PCDHGA1: variants seen among roughly 807,000 people sequenced by gnomAD.
The protein encoded by PCDHGA1 is protocadherin gamma subfamily A, 1.
In PCDHGA1, 32 loss-of-function variants were observed where a neutral mutation model predicts 58.0. The ratio of observed to expected loss-of-function variants is 0.55; its 90% CI spans 0.42 to 0.74. The LOEUF is 0.74. Ranked by LOEUF, PCDHGA1 falls within the 30% of genes least tolerant of loss-of-function variation. The probability of loss-of-function intolerance (pLI) is 0.00; values close to 1 mark genes in which losing one functional copy is unlikely to be tolerated. For missense variants in PCDHGA1, 1,205 were observed against 1,182.3 expected, an observed-to-expected ratio of 1.02 and a Z score of -0.28; for synonymous variants, 498 against 501.1, an observed-to-expected ratio of 0.99 and a Z score of 0.08.
At chr5:141,463,438 C>CTTTTTT (rs71576115) in intron 1 of PCDHGA1, among the ~76,000 whole-genome samples, 4 of 103,256 alleles carry the variant, frequency 3.9e-5, no homozygotes, top group African/African-American at 1.3e-4. Context: ...TTTCCTTCTC[C>CTTTTTT]TTTTTTTTTT....
chr5:141,505,597 T>C, intron 3 of PCDHGA1, 116 bp downstream of exon 3: 1 of 1,558,330 alleles, frequency 6.4e-7, no homozygotes, highest in Non-Finnish European at 8.7e-7. Context: ...TCCAGATCTT[T>C]CGGCAGGTCT....
At chr5:141,339,676 G>C (rs1756863169) in intron 1 of PCDHGA1, 1 of 1,614,148 alleles carries the variant, frequency 6.2e-7, no homozygotes, top group Non-Finnish European at 8.5e-7. Flanking sequence ...TCCTGGATGC[G>C]AACGACAATG....
Position 141,490,192 on chromosome 5 carries a change from A to C in PCDHGA1, c.2422-4615A>C. 1 of 1,614,182 alleles carries C rather than the reference A, an allele frequency of 6.2e-7. No homozygotes were observed. Among genetic ancestry groups the C allele is most frequent in the South Asian group, 1.1e-5 (1 of 91,082 alleles). On this transcript the variant is annotated intron_variant, in intron 1 of 3. Coordinates refer to ENST00000517417, the MANE Select transcript of PCDHGA1 (RefSeq NM_018912.3). The surrounding 1 kb of genome is among the most constrained non-coding windows in gnomAD (Gnocchi z 5.4). Reference sequence around the variant, plus strand: ...CTTTGAGGAGTCACGTTTCTATGAAATTCATGCAAGAGCCCGTGACCAGGG... The same window carrying C: ...CTTTGAGGAGTCACGTTTCTATGAACTTCATGCAAGAGCCCGTGACCAGGG...
chr5:141,505,302 G>GTAC, intron 2 of PCDHGA1, 91 bp from the exon 3 acceptor site: 5 of 1,592,714 alleles, frequency 3.1e-6, no homozygotes, highest in Non-Finnish European at 4.3e-6. Context: ...TAGGGTTAGG[G>GTAC]TACTAGGTTT....
intron 1 of PCDHGA1, among the ~76,000 whole-genome samples, chr5:141,386,998 C>G (rs140459920): frequency 6.6e-6 from 1 of 152,058 alleles, no homozygotes; most frequent in African/African-American, 2.4e-5. Flanking sequence ...TGTATTATCC[C>G]CCTGATAACT....
At chr5:141,370,600 T>G in intron 1 of PCDHGA1, 1 of 1,613,984 alleles carries the variant, frequency 6.2e-7, no homozygotes, top group Non-Finnish European at 8.5e-7. Context: ...CTGCGGGTTA[T>G]TGCAGAGAAG....
Position 141,486,316 on chromosome 5 carries a change from A to G in PCDHGA1, c.2422-8491A>G, listed in dbSNP as rs1251956899. The G allele has an allele frequency of 6.2e-7, 1 of 1,614,066 alleles. No individual in the cohort carries two copies. On this transcript the variant is annotated intron_variant, in intron 1 of 3. Transcript: ENST00000517417. This position sits in a 1 kb window ranked among gnomAD's most constrained non-coding sequence, Gnocchi z 5.0. ...GTGTGCAGGATCCAGACTCAGGGTC[A>G]AACGGAGATGTGAGCCTCCGCATTC...
At position 141,489,505 on chromosome 5, in the gene PCDHGA1, A is replaced by G. The variant is rs1198371307; in HGVS notation, c.2422-5302A>G. On this transcript the variant is annotated intron_variant, in intron 1 of 3. Transcript: ENST00000517417. The surrounding 1 kb of genome is among the most constrained non-coding windows in gnomAD (Gnocchi z 4.5). ...GAGTGGTGCCCTGGCAGTGAATCAA[A>G]AGATTGACCGAGAAAGCCTATGTGG... The G allele has an allele frequency of 1.9e-6, 3 of 1,613,972 alleles. No homozygotes were observed. The Admixed American group carries it at 5.0e-5, about 27-fold the overall frequency.
intron 1 of PCDHGA1, chr5:141,421,282 A>G (rs762064258): frequency 7.4e-6 from 12 of 1,613,034 alleles, no homozygotes; most frequent in Non-Finnish European, 1.0e-5. Context: ...GCTGCTGTGC[A>G]TTTTCCTGGG....
intron 1 of PCDHGA1, chr5:141,365,276 C>T: frequency 6.2e-7 from 1 of 1,613,968 alleles, no homozygotes; most frequent in East Asian, 2.2e-5. Flanking sequence ...CAGATTCTAC[C>T]TCATGGAAGT....
chr5:141,413,358 G>C, intron 1 of PCDHGA1: 1 of 1,613,972 alleles, frequency 6.2e-7, no homozygotes, highest in Non-Finnish European at 8.5e-7. Flanking sequence ...TGGCGCCCCG[G>C]GAGCTGGCGG....
chr5:141,400,363 T>C (rs1271706599), intron 1 of PCDHGA1: 1 of 1,613,958 alleles, frequency 6.2e-7, no homozygotes, highest in Non-Finnish European at 8.5e-7. Flanking sequence ...GACTTTGCCT[T>C]ATTCCTACAA....
At chr5:141,333,268 T>G (rs1252402257) in intron 1 of PCDHGA1, 163 bp downstream of exon 1, 16 of 995,058 alleles carry the variant, frequency 1.6e-5, no homozygotes, top group Non-Finnish European at 2.2e-5. Context: ...CACGTTCATA[T>G]GCAGGTATAT....
chr5:141,409,220 G>A (rs1327857530), intron 1 of PCDHGA1: 1 of 1,613,988 alleles, frequency 6.2e-7, no homozygotes, highest in Non-Finnish European at 8.5e-7. Context: ...AATCCTTGAT[G>A]AAAACGACAA....
At chr5:141,399,519 G>T (rs1467117930) in intron 1 of PCDHGA1, 14 of 1,613,918 alleles carry the variant, frequency 8.7e-6, no homozygotes, top group Non-Finnish European at 1.2e-5. Context: ...ACCCTCCTGG[G>T]GCCTCCATCG....
chr5:141,476,229 C>A lies in PCDHGA1; in HGVS notation c.2422-18578C>A, dbSNP rs761790915. The A allele has an allele frequency of 1.9e-6, 3 of 1,613,872 alleles. No homozygotes were observed. The South Asian group carries it at 3.3e-5, about 18-fold the overall frequency. ...TCCACGGTCATTCACTATGAGATCC[C>A]GGAGGAAAGAGAGAAGGGTTTCGCT... On this transcript the variant is annotated intron_variant, in intron 1 of 3. Transcript: ENST00000517417. This position sits in a 1 kb window ranked among gnomAD's most constrained non-coding sequence, Gnocchi z 7.6.
At chr5:141,419,034 T>C in intron 1 of PCDHGA1, 1 of 1,613,902 alleles carries the variant, frequency 6.2e-7, no homozygotes, top group Non-Finnish European at 8.5e-7. Flanking sequence ...GGTGTTCCAT[T>C]TAAGATTCAT....
chr5:141,470,707 TA>T (rs1207543665), intron 1 of PCDHGA1, among the ~76,000 whole-genome samples: 1 of 152,164 alleles, frequency 6.6e-6, no homozygotes, highest in African/African-American at 2.4e-5. Flanking sequence ...ATTTTTATTT[TA>T]TTTTTTTGAG....
chr5:141,369,075 T>C (rs1766014399), intron 1 of PCDHGA1, among the ~76,000 whole-genome samples: 1 of 152,154 alleles, frequency 6.6e-6, no homozygotes, highest in African/African-American at 2.4e-5. Context: ...ATAATTTCTT[T>C]AGGAAGATTT....
Sources: gnomAD v4.1 joint callset for allele counts (sites outside exome capture counted in the v4.1 genomes callset) on GRCh38, gnomAD v4.1.1 for gene constraint, Gnocchi (gnomAD v3.1) non-coding constraint, MANE v1.5 for transcripts, NCBI Gene and HGNC (gene_info 2026-07-23, HGNC 2026-07-21) for gene names.